MYRIP: variants seen among roughly 807,000 people sequenced by gnomAD.
MYRIP encodes the protein rab effector MyRIP.
In MYRIP, 49 loss-of-function variants were observed where a neutral mutation model predicts 98.0. That is an observed-to-expected ratio of 0.50 (90% confidence interval 0.40 to 0.63). The LOEUF (loss-of-function observed/expected upper bound fraction) is 0.63, where lower values mean the gene tolerates loss of function less well. MYRIP is among the 30% of genes least tolerant of loss of function. MYRIP has a pLI of 0.00. For missense variants in MYRIP, 1,004 were observed against 1,058.2 expected, an observed-to-expected ratio of 0.95 and a Z score of 0.71; for synonymous variants, 404 against 409.5, an observed-to-expected ratio of 0.99 and a Z score of 0.16.
intron 2 of MYRIP, among the ~76,000 whole-genome samples, chr3:39,950,293 T>A (rs1014296434): frequency 2.0e-5 from 3 of 152,214 alleles, no homozygotes; most frequent in African/African-American, 7.2e-5. Flanking sequence ...GTAACCATAT[T>A]TGTGGGTTCC....
chr3:40,004,146 T>G (rs754648050), intron 2 of MYRIP, among the ~76,000 whole-genome samples: 1 of 152,250 alleles, frequency 6.6e-6, no homozygotes, highest in Non-Finnish European at 1.5e-5. Context: ...AGCACCCTGA[T>G]GTCTTCTCTT....
intron 2 of MYRIP, among the ~76,000 whole-genome samples, chr3:39,971,840 G>T (rs1421343265): frequency 2.0e-5 from 3 of 152,058 alleles, no homozygotes; most frequent in Admixed American, 2.0e-4. Context: ...AACCAGGTTG[G>T]AGGTTTTGTT....
intron 2 of MYRIP, among the ~76,000 whole-genome samples, chr3:39,952,703 T>C (rs2125719775): frequency 6.6e-6 from 1 of 152,306 alleles, no homozygotes; most frequent in African/African-American, 2.4e-5. Context: ...TCAATGAGGT[T>C]GTGAAGGATT....
At chr3:39,831,234 C>T (rs1941436488) in intron 1 of MYRIP, among the ~76,000 whole-genome samples, 1 of 152,106 alleles carries the variant, frequency 6.6e-6, no homozygotes, top group Non-Finnish European at 1.5e-5. Flanking sequence ...ATAGACTCAT[C>T]TTGTTTCATG....
intron 13 of MYRIP, among the ~76,000 whole-genome samples, chr3:40,245,913 A>ATT (rs55637614): frequency 0.35 from 40,142 of 115,228 alleles, 7,589 homozygotes; most frequent in East Asian, 0.58. Flanking sequence ...CACCCAGCTA[A>ATT]TTTTTTTTTT....
intron 2 of MYRIP, among the ~76,000 whole-genome samples, chr3:39,942,816 A>G (rs1193035416): frequency 3.3e-5 from 5 of 151,976 alleles, no homozygotes; most frequent in Non-Finnish European, 2.9e-5. Context: ...TCCCTCTACT[A>G]TCTCCTTCCC....
chr3:40,182,729 G>A (rs2125618052), intron 9 of MYRIP, among the ~76,000 whole-genome samples: 1 of 152,304 alleles, frequency 6.6e-6, no homozygotes, highest in Middle Eastern at 3.4e-3. Context: ...TGGACTAGGA[G>A]AATGTGTCTT....
chr3:40,097,427 G>A (rs1948853548), intron 3 of MYRIP, among the ~76,000 whole-genome samples: 1 of 151,942 alleles, frequency 6.6e-6, no homozygotes, highest in African/African-American at 2.4e-5. Context: ...GAGTTCTAAG[G>A]TACTCAGTTG....
At chr3:40,009,251 T>A (rs1315056311) in intron 2 of MYRIP, among the ~76,000 whole-genome samples, 3 of 151,440 alleles carry the variant, frequency 2.0e-5, no homozygotes, top group Admixed American at 1.3e-4. Flanking sequence ...TTTTTTTTTT[T>A]TTTGAGACGG....
At chr3:40,218,612 T>TTTATA (rs1337574787) in intron 11 of MYRIP, among the ~76,000 whole-genome samples, 27 of 13,542 alleles carry the variant, frequency 2.0e-3, no homozygotes, top group East Asian at 0.011. Context: ...TATATATATT[T>TTTATA]TATATATATA....
At chr3:39,977,002 AACC>A (rs1945769781) in intron 2 of MYRIP, among the ~76,000 whole-genome samples, 2 of 152,190 alleles carry the variant, frequency 1.3e-5, no homozygotes, top group Non-Finnish European at 2.9e-5. Flanking sequence ...ATATGTAACT[AACC>A]TGCACGTTGT....
intron 2 of MYRIP, among the ~76,000 whole-genome samples, chr3:39,937,694 GA>G: frequency 6.6e-6 from 1 of 152,316 alleles, no homozygotes; most frequent in South Asian, 2.1e-4. Flanking sequence ...AAGAAAAATA[GA>G]AACACTAATG....
intron 2 of MYRIP, among the ~76,000 whole-genome samples, chr3:39,922,809 C>T (rs975245184): frequency 6.6e-6 from 1 of 152,140 alleles, no homozygotes; most frequent in Non-Finnish European, 1.5e-5. Context: ...ATTTGCTCAT[C>T]ATACCAAGAA....
At chr3:39,895,697 G>A (rs980587127) in intron 1 of MYRIP, among the ~76,000 whole-genome samples, 14 of 152,068 alleles carry the variant, frequency 9.2e-5, no homozygotes, top group African/African-American at 3.1e-4. Context: ...ATTCATTTGG[G>A]TTTTTACTTC....
intron 3 of MYRIP, among the ~76,000 whole-genome samples, chr3:40,078,185 T>C (rs966101554): frequency 4.6e-5 from 7 of 152,226 alleles, no homozygotes; most frequent in Non-Finnish European, 7.3e-5. Flanking sequence ...AAGCCCCTCA[T>C]TGCCCAGGGC....
intron 1 of MYRIP, among the ~76,000 whole-genome samples, chr3:39,857,277 G>GGAAGGAAGGAAGGAAGGAAGGAAGGAAA (rs1942331961): frequency 6.7e-6 from 1 of 149,810 alleles, no homozygotes; most frequent in Admixed American, 6.7e-5. Context: ...AAGGAAGGAA[G>GGAAGGAAGGAAGGAAGGAAGGAAGGAAA]GAAAAATGAG....
chr3:40,237,615 T>C (rs555928878), intron 12 of MYRIP, among the ~76,000 whole-genome samples: 7 of 152,310 alleles, frequency 4.6e-5, no homozygotes, highest in Admixed American at 3.9e-4. Context: ...GTTCAGCTGA[T>C]GTGTGACTAC....
intron 11 of MYRIP, among the ~76,000 whole-genome samples, chr3:40,232,279 C>T (rs1241627278): frequency 1.3e-5 from 2 of 152,230 alleles, no homozygotes; most frequent in Non-Finnish European, 2.9e-5. Context: ...GTCCTCACCC[C>T]AGAACGGCTT....
chr3:40,229,875 G>C lies in MYRIP; in HGVS notation c.1906-3984G>C, dbSNP rs139522077. On this transcript the variant is annotated intron_variant, in intron 11 of 16. Transcript: ENST00000302541. ...TCAGAGCACAGATACACATCCTGTG[G>C]TGGGTTAACAGCTCAAAGTTCAACA... Among the ~76,000 whole-genome samples the C allele has an allele frequency of 5.7e-3, 870 of 152,260 alleles. 3 individuals carry two copies. Among genetic ancestry groups the C allele is most frequent in the Non-Finnish European group, 0.01 (683 of 68,004 alleles).
Sources: allele counts gnomAD v4.1 joint callset (sites outside exome capture counted in the v4.1 genomes callset), GRCh38; gene constraint gnomAD v4.1.1; transcripts MANE v1.5; gene names NCBI Gene and HGNC (gene_info 2026-07-23, HGNC 2026-07-21).